GOSR1: variants seen among roughly 807,000 people sequenced by gnomAD.
The protein encoded by GOSR1 is 28 kDa Golgi SNARE protein.
Under a neutral mutation model 35.5 loss-of-function variants are expected in GOSR1, and 21 were observed. The observed-to-expected ratio is 0.59, with a 90% CI of 0.42 to 0.85. The LOEUF (loss-of-function observed/expected upper bound fraction) is 0.85, where lower values mean the gene tolerates loss of function less well. Ranked by LOEUF, GOSR1 falls within the 40% of genes least tolerant of loss-of-function variation. The pLI, the probability that GOSR1 is intolerant of heterozygous loss-of-function variation, is 0.00. For synonymous variants in GOSR1, 94 were observed against 106.6 expected, an observed-to-expected ratio of 0.88 and a Z score of 0.73; for missense variants, 285 against 309.6, an observed-to-expected ratio of 0.92 and a Z score of 0.60.
intron 6 of GOSR1, among the ~76,000 whole-genome samples, chr17:30,504,014 G>A (rs1340694330): frequency 6.6e-6 from 1 of 151,314 alleles, no homozygotes; most frequent in Non-Finnish European, 1.5e-5. Flanking sequence ...TCTTTAGGTT[G>A]GTTTCATTTA....
At chr17:30,503,104 T>C (rs187333007) in intron 6 of GOSR1, among the ~76,000 whole-genome samples, 7 of 152,358 alleles carry the variant, frequency 4.6e-5, no homozygotes, top group Admixed American at 2.0e-4. Context: ...TTTAGTTGCT[T>C]ATTTATTTGC....
chr17:30,493,437 C>T (rs1966883917), intron 6 of GOSR1, among the ~76,000 whole-genome samples: 1 of 152,118 alleles, frequency 6.6e-6, no homozygotes, highest in Non-Finnish European at 1.5e-5. Context: ...ACACAAGCTT[C>T]TAAATACTTC....
chr17:30,500,988 C>A (rs1967183104), intron 6 of GOSR1, among the ~76,000 whole-genome samples: 1 of 150,924 alleles, frequency 6.6e-6, no homozygotes, highest in Non-Finnish European at 1.5e-5. Context: ...TCACGCCATT[C>A]TCCTGCCTCA....
intron 6 of GOSR1, among the ~76,000 whole-genome samples, chr17:30,504,144 G>T (rs1318396725): frequency 1.3e-5 from 2 of 151,022 alleles, no homozygotes; most frequent in Admixed American, 6.6e-5. Context: ...CTCCTGCCTC[G>T]GCCTCCCGAG....
At chr17:30,497,041 A>G (rs1967031272) in intron 6 of GOSR1, among the ~76,000 whole-genome samples, 1 of 152,146 alleles carries the variant, frequency 6.6e-6, no homozygotes, top group Admixed American at 6.5e-5. Context: ...ATATTATCCT[A>G]ATTTGTTGGT....
At chr17:30,511,988 G>A (rs1401731652) in intron 7 of GOSR1, among the ~76,000 whole-genome samples, 1 of 152,176 alleles carries the variant, frequency 6.6e-6, no homozygotes, top group African/African-American at 2.4e-5. Flanking sequence ...GTGGTCACAT[G>A]ACTAGTAAAT....
At chr17:30,512,394 C>A (rs1967646940) in intron 7 of GOSR1, among the ~76,000 whole-genome samples, 1 of 152,050 alleles carries the variant, frequency 6.6e-6, no homozygotes, top group African/African-American at 2.4e-5. Flanking sequence ...GAAAAGAAGT[C>A]CTATATACCC....
intron 8 of GOSR1, among the ~76,000 whole-genome samples, chr17:30,521,167 CTT>C (rs71360748): frequency 0.016 from 1,027 of 64,044 alleles, 17 homozygotes; most frequent in African/African-American, 0.067. Flanking sequence ...TTCTCTCTCT[CTT>C]TTTTTTTTTT....
At position 30,520,021 on chromosome 17, in the gene GOSR1, A is replaced by G. The variant is rs1358115075; in HGVS notation, c.622A>G (p.Asn208Asp). The stretch of plus-strand genomic sequence containing the variant: ...TCACAGCAAAATGAACACTTTGGCC[A>G]GTATCCTTTTTGAATGTTCGCAGTC... ...SIHSKMNTLA[N>D]RFPAVNSLIQ... Residue 208 changes from asparagine (N) to aspartate (D), a missense_variant and splice_region_variant, in exon 8 of 9, where the codon AAT (asparagine) becomes GAT (aspartate). Physicochemically the swap from Asn to Asp is conservative, Grantham distance 23. Transcript: ENST00000451249. 2 of 1,584,684 alleles carry G rather than the reference A, an allele frequency of 1.3e-6. No individual in the cohort carries two copies. Among genetic ancestry groups the G allele is most frequent in the African/African-American group, 2.7e-5 (2 of 74,358 alleles).
At chr17:30,479,389 GT>G (rs1244436626) in intron 1 of GOSR1, 2 of 152,190 alleles carry the variant, frequency 1.3e-5, no homozygotes, top group African/African-American at 4.8e-5. Context: ...CTACTTGCCT[GT>G]TTGCTTCTGC....
chr17:30,483,821 A>G (rs555238172), intron 2 of GOSR1, among the ~76,000 whole-genome samples: 2 of 152,368 alleles, frequency 1.3e-5, no homozygotes, highest in Admixed American at 6.5e-5. Context: ...TGAAAAGGCA[A>G]TTTAACACAA....
chr17:30,521,167 C>CCAT (rs1555617867), intron 8 of GOSR1, among the ~76,000 whole-genome samples: 7 of 64,224 alleles, frequency 1.1e-4, no homozygotes, highest in African/African-American at 5.3e-4. Context: ...TTCTCTCTCT[C>CCAT]TTTTTTTTTT....
intron 7 of GOSR1, among the ~76,000 whole-genome samples, chr17:30,516,027 G>C (rs1033576759): frequency 6.6e-6 from 1 of 152,136 alleles, no homozygotes; most frequent in Non-Finnish European, 1.5e-5. Context: ...CATGTTAATT[G>C]TGTGTGTAGC....
At chr17:30,513,355 G>T (rs1169082002) in intron 7 of GOSR1, among the ~76,000 whole-genome samples, 1 of 152,096 alleles carries the variant, frequency 6.6e-6, no homozygotes, top group African/African-American at 2.4e-5. Context: ...GCATATCAAT[G>T]ATTTATCATT....
intron 5 of GOSR1, among the ~76,000 whole-genome samples, chr17:30,491,811 C>A (rs1597771714): frequency 6.6e-6 from 1 of 152,148 alleles, no homozygotes; most frequent in Non-Finnish European, 1.5e-5. Flanking sequence ...TAGAAATGAT[C>A]AGTCTCATTT....
At chr17:30,517,506 A>G (rs901201211) in intron 7 of GOSR1, among the ~76,000 whole-genome samples, 2 of 152,184 alleles carry the variant, frequency 1.3e-5, no homozygotes, top group Non-Finnish European at 2.9e-5. Context: ...AATAGAAATA[A>G]TACTAACTCA....
intron 2 of GOSR1, among the ~76,000 whole-genome samples, chr17:30,483,463 G>T (rs1914481501): frequency 6.6e-6 from 1 of 152,044 alleles, no homozygotes; most frequent in Non-Finnish European, 1.5e-5. Flanking sequence ...TAATTCTATT[G>T]GCATATTGTT....
At chr17:30,497,810 G>A (rs115128485) in intron 6 of GOSR1, among the ~76,000 whole-genome samples, 1,921 of 152,218 alleles carry the variant, frequency 0.013, 42 homozygotes, top group African/African-American at 0.043. Flanking sequence ...TGTAATTCCC[G>A]CGCTTTAGGA....
At chr17:30,505,925 A>G (rs922420567) in intron 6 of GOSR1, among the ~76,000 whole-genome samples, 3 of 152,122 alleles carry the variant, frequency 2.0e-5, no homozygotes, top group African/African-American at 7.2e-5. Flanking sequence ...ACAAGGTCTC[A>G]TTATATTGGC....
Sources: gnomAD v4.1 joint callset for allele counts (sites outside exome capture counted in the v4.1 genomes callset) on GRCh38, gnomAD v4.1.1 for gene constraint, MANE v1.5 for transcripts, NCBI Gene and HGNC (gene_info 2026-07-23, HGNC 2026-07-21) for gene names.